Variants in DPP10 observed in about 807,000 individuals in gnomAD.
DPP10 encodes the protein dipeptidyl peptidase like 10, also known as inactive dipeptidyl peptidase 10.
A neutral mutation model predicts 120.9 loss-of-function variants in DPP10; 33 were observed. The observed-to-expected ratio is 0.27, with a 90% confidence interval of 0.21 to 0.37. The LOEUF (loss-of-function observed/expected upper bound fraction) is 0.37. Ranked by LOEUF, DPP10 falls within the 10% of genes least tolerant of loss-of-function variation. DPP10 has a pLI of 1.00. For missense variants in DPP10, 816 were observed against 942.8 expected, an observed-to-expected ratio of 0.87 and a Z score of 1.76; for synonymous variants, 337 against 326.1, an observed-to-expected ratio of 1.03 and a Z score of -0.36.
At chr2:115,475,175 G>A (rs1024866616) in intron 3 of DPP10, among the ~76,000 whole-genome samples, 34 of 152,076 alleles carry the variant, frequency 2.2e-4, no homozygotes, top group African/African-American at 7.5e-4. Context: ...CACAGGCCCA[G>A]AGACTTAGGA....
chr2:115,312,607 G>T (rs2061628082), intron 2 of DPP10, among the ~76,000 whole-genome samples: 1 of 152,120 alleles, frequency 6.6e-6, no homozygotes, highest in African/African-American at 2.4e-5. Flanking sequence ...GTGTACGTCT[G>T]TGGTCAGCCT....
intron 1 of DPP10, among the ~76,000 whole-genome samples, chr2:114,522,718 C>A (rs1197014383): frequency 6.6e-6 from 1 of 151,978 alleles, no homozygotes; most frequent in Non-Finnish European, 1.5e-5. Flanking sequence ...GGGCAATTTA[C>A]AAAATAAAGA....
At chr2:115,629,494 T>TA (rs1452094808) in intron 5 of DPP10, among the ~76,000 whole-genome samples, 4 of 152,212 alleles carry the variant, frequency 2.6e-5, no homozygotes, top group Non-Finnish European at 4.4e-5. Context: ...CCTGACTTTT[T>TA]AATGATTGCC....
intron 2 of DPP10, among the ~76,000 whole-genome samples, chr2:115,339,827 G>C (rs940897349): frequency 1.3e-4 from 20 of 152,186 alleles, no homozygotes; most frequent in African/African-American, 4.6e-4. Flanking sequence ...GTTAATGAAA[G>C]AGTGGCAGAA....
intron 7 of DPP10, among the ~76,000 whole-genome samples, chr2:115,696,425 C>T (rs2091593100): frequency 6.6e-6 from 1 of 152,090 alleles, no homozygotes; most frequent in African/African-American, 2.4e-5. Context: ...CATAAGAAGC[C>T]ACAAGACAGT....
chr2:115,238,261 A>G (rs2058096702), intron 1 of DPP10, among the ~76,000 whole-genome samples: 1 of 152,188 alleles, frequency 6.6e-6, no homozygotes, highest in Admixed American at 6.5e-5. Flanking sequence ...CAAACCCTGG[A>G]TGATAGTACC....
At chr2:115,503,573 C>G (rs2076794239) in intron 4 of DPP10, among the ~76,000 whole-genome samples, 1 of 152,066 alleles carries the variant, frequency 6.6e-6, no homozygotes, top group Admixed American at 6.6e-5. Context: ...GCCACGTAGC[C>G]TCACATAATG....
chr2:114,832,819 T>C (rs1207793295), intron 1 of DPP10, among the ~76,000 whole-genome samples: 1 of 151,952 alleles, frequency 6.6e-6, no homozygotes. Flanking sequence ...ATGCCAAAAA[T>C]GGGGACATGA....
chr2:115,053,178 A>G (rs1705643157), intron 1 of DPP10, among the ~76,000 whole-genome samples: 1 of 152,184 alleles, frequency 6.6e-6, no homozygotes, highest in African/African-American at 2.4e-5. Flanking sequence ...TGTTTAGAGC[A>G]GCATTATTCA....
At chr2:114,766,507 T>A (rs560509506) in intron 1 of DPP10, among the ~76,000 whole-genome samples, 10 of 152,292 alleles carry the variant, frequency 6.6e-5, no homozygotes, top group Non-Finnish European at 1.2e-4. Context: ...TATAGCATTT[T>A]TTTTTACTGG....
intron 1 of DPP10, among the ~76,000 whole-genome samples, chr2:114,919,395 C>G (rs1270785355): frequency 6.6e-6 from 1 of 152,166 alleles, no homozygotes; most frequent in Non-Finnish European, 1.5e-5. Flanking sequence ...CTGAAGAGGA[C>G]TGAAAGAAGA....
intron 1 of DPP10, among the ~76,000 whole-genome samples, chr2:114,652,885 A>G (rs1236079506): frequency 6.6e-6 from 1 of 151,940 alleles, no homozygotes; most frequent in Admixed American, 6.6e-5. Flanking sequence ...CAACTCACTT[A>G]AAAGGAACAG....
In DPP10 at chr2:115,395,360, C is replaced by A. The variant is rs564819130; in HGVS notation, c.271+51448C>A. Among the ~76,000 whole-genome samples, 4 of 152,296 alleles carry A rather than the reference C, an allele frequency of 2.6e-5. 1 individual carries two copies. In the Middle Eastern group the frequency reaches 0.01, roughly 389 times the overall value. ...TAATGACCTAATTTTAACTTAATTTCTCTTTAAAGATTCTGTCTCCAAACA... is the reference window on the plus strand; with the variant it reads ...TAATGACCTAATTTTAACTTAATTTATCTTTAAAGATTCTGTCTCCAAACA... On this transcript the variant is annotated intron_variant, in intron 3 of 25. Coordinates refer to ENST00000410059, the MANE Select transcript of DPP10 (RefSeq NM_020868.6).
chr2:115,734,288 C>T lies in DPP10; in HGVS notation c.698-5451C>T, dbSNP rs182417937. Among the ~76,000 whole-genome samples, 14 of 152,240 alleles carry T rather than the reference C, an allele frequency of 9.2e-5. No individual in the cohort carries two copies. In the East Asian group the frequency reaches 9.7e-4, roughly 11 times the overall value. On this transcript the variant is annotated intron_variant, in intron 8 of 25. Transcript: ENST00000410059. ...ACATATTTCAGCACCTACGACAGAA[C>T]CTGTTTCTTAGAAATCTAGAGTATT...
intron 1 of DPP10, among the ~76,000 whole-genome samples, chr2:114,558,476 G>A (rs550168751): frequency 2.6e-4 from 39 of 152,294 alleles, no homozygotes; most frequent in African/African-American, 9.1e-4. Flanking sequence ...CTTAAATACC[G>A]TCCCCATAAG....
chr2:115,629,467 C>T (rs943199489), intron 5 of DPP10, among the ~76,000 whole-genome samples: 21 of 152,146 alleles, frequency 1.4e-4, no homozygotes, highest in South Asian at 2.1e-4. Flanking sequence ...CCACATCCTC[C>T]CCAGCACCTG....
At chr2:115,553,042 C>T (rs1479181543) in intron 5 of DPP10, among the ~76,000 whole-genome samples, 2 of 152,076 alleles carry the variant, frequency 1.3e-5, no homozygotes, top group Non-Finnish European at 2.9e-5. Context: ...CTGTAGTTGT[C>T]ATCGCCTAGC....
chr2:115,101,003 A>C (rs1211909263), intron 1 of DPP10, among the ~76,000 whole-genome samples: 1 of 152,040 alleles, frequency 6.6e-6, no homozygotes, highest in Admixed American at 6.6e-5. Flanking sequence ...GGTCACTTTT[A>C]GTTTTTACCC....
intron 19 of DPP10, among the ~76,000 whole-genome samples, chr2:115,812,307 G>T: frequency 6.6e-6 from 1 of 152,184 alleles, no homozygotes; most frequent in East Asian, 1.9e-4. Flanking sequence ...TCTTTTTAAG[G>T]CCTTTCCATT....
Sources: gnomAD v4.1 joint callset for allele counts (sites outside exome capture counted in the v4.1 genomes callset) on GRCh38, gnomAD v4.1.1 for gene constraint, MANE v1.5 for transcripts, NCBI Gene and HGNC (gene_info 2026-07-23, HGNC 2026-07-21) for gene names.